Variants in MPHOSPH9 observed in about 807,000 individuals in gnomAD.
MPHOSPH9 encodes M-phase phosphoprotein 9.
MPHOSPH9 carries 88 observed loss-of-function variants against 145.5 expected under a neutral mutation model. The ratio of observed to expected loss-of-function variants is 0.60; its 90% CI spans 0.51 to 0.72. The LOEUF (loss-of-function observed/expected upper bound fraction) is 0.72, where lower values mean the gene tolerates loss of function less well. MPHOSPH9 is among the 30% of genes least tolerant of loss of function. The pLI is 0.00. For synonymous variants in MPHOSPH9, 435 were observed against 486.2 expected, an observed-to-expected ratio of 0.89 and a Z score of 1.39; for missense variants, 1,238 against 1,386.6, an observed-to-expected ratio of 0.89 and a Z score of 1.70.
At chr12:123,166,418 T>A (rs1004873951) in intron 17 of MPHOSPH9, 8 of 522,466 alleles carry the variant, frequency 1.5e-5, no homozygotes, top group South Asian at 1.4e-4. Flanking sequence ...AGGATCGACA[T>A]CCTATCCTAA....
chr12:123,239,263 G>A (rs2047894082), intron 1 of MPHOSPH9, among the ~76,000 whole-genome samples: 1 of 152,188 alleles, frequency 6.6e-6, no homozygotes, highest in South Asian at 2.1e-4. Context: ...AGCCAGACTG[G>A]TCTCAAAATA....
intron 4 of MPHOSPH9, 35 bp downstream of exon 4, chr12:123,223,003 T>A: frequency 8.7e-7 from 1 of 1,148,750 alleles, no homozygotes; most frequent in Non-Finnish European, 1.2e-6. Flanking sequence ...TGTATATGTA[T>A]ATAAAAAAAG....
chr12:123,223,338 A>C (rs919930772), intron 3 of MPHOSPH9, among the ~76,000 whole-genome samples: 2 of 152,058 alleles, frequency 1.3e-5, no homozygotes, highest in South Asian at 2.1e-4. Context: ...CAAGGCTGGG[A>C]AACTTTCAGC....
chr12:123,231,340 T>C (rs2138696657), intron 1 of MPHOSPH9, among the ~76,000 whole-genome samples: 1 of 152,362 alleles, frequency 6.6e-6, no homozygotes, highest in South Asian at 2.1e-4. Context: ...TGTTCATTTG[T>C]TTAATAAATT....
intron 3 of MPHOSPH9, among the ~76,000 whole-genome samples, chr12:123,225,509 AAAGG>A (rs1382104797): frequency 2.3e-5 from 3 of 128,882 alleles, no homozygotes; most frequent in South Asian, 2.9e-4. Flanking sequence ...GAAACAAAGA[AAAGG>A]AAGGAAGGAA....
intron 12 of MPHOSPH9, among the ~76,000 whole-genome samples, chr12:123,195,309 A>T (rs767277515): frequency 4.3e-5 from 6 of 140,676 alleles, no homozygotes; most frequent in Non-Finnish European, 7.4e-5. Flanking sequence ...TCAGTTGGCC[A>T]GGCACAGTAG....
rs899343936 is a variant in MPHOSPH9, at chr12:123,159,471, T to G, written c.3450+1310A>C. On this transcript the variant is annotated intron_variant, in intron 23 of 23. Transcript: ENST00000606320. The surrounding 1 kb of genome is among the most constrained non-coding windows in gnomAD (Gnocchi z 4.3). Reference sequence around the variant, plus strand: ...AGCCATTGCGCCTGGCCATGGCAGGTTTTTTTTTGTTTTTTTTGTTGTTGT... The same window carrying G: ...AGCCATTGCGCCTGGCCATGGCAGGGTTTTTTTTGTTTTTTTTGTTGTTGT... 1.3e-5 allele frequency among the ~76,000 whole-genome samples: 2 copies of G among 151,414 alleles called. No individual in the cohort carries two copies. The highest frequency in any genetic ancestry group is 1.5e-5 in the Non-Finnish European group (1 of 67,770).
intron 17 of MPHOSPH9, 172 bp from the exon 18 acceptor site, chr12:123,165,649 C>A (rs1368067792): frequency 3.6e-6 from 2 of 563,150 alleles, no homozygotes. Flanking sequence ...GGTGAAGCCT[C>A]CAAGATGGGA....
In MPHOSPH9 at chr12:123,202,448, T is replaced by C. The variant is rs891260505; in HGVS notation, c.1782-129A>G. The C allele has an allele frequency of 9.1e-6, 11 of 1,202,742 alleles. No homozygotes were observed. In the African/African-American group the frequency reaches 1.5e-4, roughly 17 times the overall value. 74.5% of individuals were successfully genotyped at this position (1,202,742 alleles called of 1,614,324 possible). On this transcript the variant is annotated intron_variant, in intron 10 of 23. Transcript: ENST00000606320. ...CATATTTCCTTTGCATACTACAAAATATATAGATTAATACACAAAAAGTTA... is the reference window on the plus strand; with the variant it reads ...CATATTTCCTTTGCATACTACAAAACATATAGATTAATACACAAAAAGTTA...
rs775837769 is a variant in MPHOSPH9, at chr12:123,223,003, T to C, written c.348+35A>G. 3.5e-6 allele frequency: 4 copies of C among 1,148,636 alleles called. No individual in the cohort carries two copies. In the African/African-American group the frequency reaches 6.4e-5, roughly 18 times the overall value. 71.2% of individuals were successfully genotyped at this position (1,148,636 alleles called of 1,614,324 possible). The stretch of plus-strand genomic sequence containing the variant: ...GTGTATATGTACGTATGTATATGTA[T>C]ATAAAAAAAGGAATCAATGTAAATG... On this transcript the variant is annotated intron_variant, in intron 4 of 23. Coordinates refer to ENST00000606320, the MANE Select transcript of MPHOSPH9 (RefSeq NM_022782.4).
chr12:123,203,488 T>C lies in MPHOSPH9; in HGVS notation c.1195-113A>G. ...AAAGACTTTAAGCAAATTGAAAATG[T>C]AGACTGTCAGATTTGTAATACAAGC... On this transcript the variant is annotated intron_variant, in intron 8 of 23. Coordinates refer to ENST00000606320, the MANE Select transcript of MPHOSPH9 (RefSeq NM_022782.4). The C allele has an allele frequency of 4.3e-6, 4 of 935,246 alleles. No homozygotes were observed. The South Asian group carries it at 5.5e-5, about 13-fold the overall frequency. 57.9% of individuals were successfully genotyped at this position (935,246 alleles called of 1,614,324 possible). A position where few individuals can be genotyped will look rare whatever the true frequency, so the allele number is the denominator to read the frequency against.
chr12:123,239,807 C>G (rs1372256315), intron 1 of MPHOSPH9, among the ~76,000 whole-genome samples: 3 of 152,100 alleles, frequency 2.0e-5, no homozygotes, highest in Non-Finnish European at 2.9e-5. Context: ...TCCCAATCTC[C>G]TTGTTTCCAT....
intron 15 of MPHOSPH9, among the ~76,000 whole-genome samples, 179 bp downstream of exon 15, chr12:123,179,747 A>C (rs2045044527): frequency 6.6e-6 from 1 of 151,226 alleles, no homozygotes; most frequent in African/African-American, 2.4e-5. Context: ...AGAGAGAGAG[A>C]GAAGAAATCT....
intron 7 of MPHOSPH9, among the ~76,000 whole-genome samples, chr12:123,210,880 C>T (rs532901479): frequency 2.6e-5 from 4 of 151,574 alleles, no homozygotes; most frequent in Non-Finnish European, 1.5e-5. Context: ...GCAACCTCCG[C>T]CTCCCGAGTT....
intron 8 of MPHOSPH9, among the ~76,000 whole-genome samples, chr12:123,204,070 A>G (rs913345813): frequency 6.6e-6 from 1 of 152,128 alleles, no homozygotes; most frequent in Non-Finnish European, 1.5e-5. Context: ...TCGGGAGGCC[A>G]AGGTGAGTGA....
chr12:123,193,515 T>C (rs1303850147), intron 13 of MPHOSPH9, among the ~76,000 whole-genome samples: 1 of 152,076 alleles, frequency 6.6e-6, no homozygotes, highest in Non-Finnish European at 1.5e-5. Flanking sequence ...CCAGGTGCAG[T>C]GGCACACACG....
At chr12:123,204,335 G>A (rs2046336867) in intron 8 of MPHOSPH9, among the ~76,000 whole-genome samples, 1 of 151,024 alleles carries the variant, frequency 6.6e-6, no homozygotes, top group Admixed American at 6.6e-5. Context: ...AGATACTTCA[G>A]AATGAATGAT....
At chr12:123,194,638 T>TTC in intron 12 of MPHOSPH9, 37 bp from the exon 13 acceptor site, 1 of 1,464,416 alleles carries the variant, frequency 6.8e-7, no homozygotes, top group Admixed American at 2.4e-5. Flanking sequence ...TTTTTTTTTT[T>TTC]TGAGATGGAG....
intron 1 of MPHOSPH9, among the ~76,000 whole-genome samples, chr12:123,243,303 G>A (rs1425599979): frequency 6.6e-6 from 1 of 152,000 alleles, no homozygotes; most frequent in African/African-American, 2.4e-5. Flanking sequence ...GGCCGAGGCG[G>A]GCGGATCACG....
Sources: gnomAD v4.1 joint callset for allele counts (sites outside exome capture counted in the v4.1 genomes callset) on GRCh38, gnomAD v4.1.1 for gene constraint, Gnocchi (gnomAD v3.1) non-coding constraint, MANE v1.5 for transcripts, NCBI Gene and HGNC (gene_info 2026-07-23, HGNC 2026-07-21) for gene names.